LSM2: variants seen among roughly 807,000 people sequenced by gnomAD.
LSM2 encodes the protein LSM2 homolog, U6 small nuclear RNA and mRNA degradation associated.
In LSM2, 12 loss-of-function variants were observed where a neutral mutation model predicts 17.0. That is an observed-to-expected ratio of 0.70 (90% CI 0.45 to 1.14). LSM2 has a LOEUF of 1.14. LSM2 is among the 50% of genes most tolerant of loss of function. The pLI is 0.00. For synonymous variants in LSM2, 42 were observed against 44.5 expected (o/e 0.94, Z 0.22); for missense variants, 62 against 111.8 (o/e 0.55, Z 2.01).
intron 2 of LSM2, among the ~76,000 whole-genome samples, chr6:31,801,762 C>T (rs919858691): frequency 6.6e-6 from 1 of 152,100 alleles, no homozygotes; most frequent in Non-Finnish European, 1.5e-5. Context: ...CGCCACCGCA[C>T]TCCAGCCAGG....
chr6:31,802,325 A>G (rs1814761685), intron 2 of LSM2, among the ~76,000 whole-genome samples: 1 of 152,026 alleles, frequency 6.6e-6, no homozygotes, highest in African/African-American at 2.4e-5. Context: ...GGCTGGGCGC[A>G]GTGGCTCACA....
chr6:31,798,597 G>T, intron 2 of LSM2, 90 bp from the exon 3 acceptor site: 1 of 1,457,842 alleles, frequency 6.9e-7, no homozygotes, highest in Non-Finnish European at 9.5e-7. Context: ...GAACATGACT[G>T]GGAGAAGTCA....
intron 2 of LSM2, among the ~76,000 whole-genome samples, chr6:31,804,770 T>C (rs1285764678): frequency 2.6e-4 from 32 of 124,590 alleles, no homozygotes; most frequent in Non-Finnish European, 3.2e-4. Flanking sequence ...TTTCTTTTTT[T>C]TTTTTTTTTT....
chr6:31,799,598 T>C (rs1581674815), intron 2 of LSM2, among the ~76,000 whole-genome samples: 1 of 151,438 alleles, frequency 6.6e-6, no homozygotes, highest in East Asian at 1.9e-4. Context: ...CCTCATGATC[T>C]GCCCACCTCA....
chr6:31,806,633 G>A (rs1350180561), intron 1 of LSM2, 122 bp downstream of exon 1: 2 of 1,256,336 alleles, frequency 1.6e-6, no homozygotes, highest in South Asian at 1.3e-5. Context: ...AAACAGTACA[G>A]TACTAAAGAT....
chr6:31,801,218 A>G (rs1356740650), intron 2 of LSM2, among the ~76,000 whole-genome samples: 1 of 151,704 alleles, frequency 6.6e-6, no homozygotes, highest in Non-Finnish European at 1.5e-5. Context: ...GCTCTAGGAA[A>G]TTAATTTAAA....
chr6:31,803,470 T>G (rs1367613493), intron 2 of LSM2, among the ~76,000 whole-genome samples: 2 of 151,810 alleles, frequency 1.3e-5, no homozygotes, highest in African/African-American at 4.8e-5. Context: ...GACAACAGAG[T>G]GAGACCCCCA....
At chr6:31,800,180 C>CA (rs1814612903) in intron 2 of LSM2, among the ~76,000 whole-genome samples, 1 of 151,634 alleles carries the variant, frequency 6.6e-6, no homozygotes, top group Non-Finnish European at 1.5e-5. Flanking sequence ...ACTAAAAATA[C>CA]AAAAAATTAG....
rs371580625 is a variant in LSM2, at chr6:31,797,973, C to T, written c.162+17G>A. On this transcript the variant is annotated intron_variant, in intron 4 of 4. Coordinates refer to ENST00000375661, the MANE Select transcript of LSM2 (RefSeq NM_021177.5). ...TGCTTTAGAGGTGTTTCCTCTTCTC[C>T]ACAGACCCCAACTCACCATGTGAGG... The T allele has an allele frequency of 1.7e-5, 27 of 1,608,760 alleles. No individual in the cohort carries two copies. The African/African-American group carries it at 3.6e-4, about 21-fold the overall frequency.
At chr6:31,797,914 CT>C in intron 4 of LSM2, 32 bp from the exon 5 acceptor site, 1 of 1,612,868 alleles carries the variant, frequency 6.2e-7, no homozygotes, top group Non-Finnish European at 8.5e-7. Flanking sequence ...TGAAAACACC[CT>C]TAAAAATGTC....
chr6:31,806,427 T>C, intron 1 of LSM2: 1 of 600,488 alleles, frequency 1.7e-6, no homozygotes, highest in Non-Finnish European at 3.0e-6. Flanking sequence ...CTCGGGTACC[T>C]GCCCACTCCT....
intron 1 of LSM2, 147 bp downstream of exon 1, chr6:31,806,608 C>T: frequency 9.1e-7 from 1 of 1,095,442 alleles, no homozygotes; most frequent in Middle Eastern, 2.0e-4. Context: ...TCAGTGCCTC[C>T]TCAATGAACC....
chr6:31,798,353 T>G, intron 3 of LSM2, 124 bp downstream of exon 3: 2 of 1,170,352 alleles, frequency 1.7e-6, no homozygotes, highest in Non-Finnish European at 2.5e-6. Context: ...ATTACAGGCG[T>G]GAGCCACCGT....
At chr6:31,806,623 A>G (rs557123129) in intron 1 of LSM2, 132 bp downstream of exon 1, 1 of 1,223,232 alleles carries the variant, frequency 8.2e-7, no homozygotes, top group East Asian at 2.5e-5. Flanking sequence ...TGAACCTGAG[A>G]AACAGTACAG....
At chr6:31,804,168 C>T (rs1251003588) in intron 2 of LSM2, among the ~76,000 whole-genome samples, 2 of 151,980 alleles carry the variant, frequency 1.3e-5, no homozygotes, top group Non-Finnish European at 2.9e-5. Flanking sequence ...CAAGACCAGC[C>T]TGGCCTAGAT....
chr6:31,800,885 CA>C (rs35058284), intron 2 of LSM2, among the ~76,000 whole-genome samples: 176 of 124,304 alleles, frequency 1.4e-3, no homozygotes, highest in Non-Finnish European at 1.2e-3. Context: ...GACTCCGTCT[CA>C]AAAAAAAAAA....
Position 31,797,976 on chromosome 6 carries a change from A to T in LSM2, c.162+14T>A. On this transcript the variant is annotated intron_variant, in intron 4 of 4. Transcript: ENST00000375661. ...TTTAGAGGTGTTTCCTCTTCTCCAC[A>T]GACCCCAACTCACCATGTGAGGGTA... is the stretch of plus-strand genomic sequence containing the variant. 2 of 1,607,340 alleles carry T rather than the reference A, an allele frequency of 1.2e-6. No individual in the cohort carries two copies. The highest frequency in any genetic ancestry group is 1.7e-4 in the Middle Eastern group (1 of 6,040).
intron 2 of LSM2, among the ~76,000 whole-genome samples, chr6:31,799,448 C>T (rs1814571394): frequency 6.6e-6 from 1 of 152,116 alleles, no homozygotes; most frequent in South Asian, 2.1e-4. Flanking sequence ...GCTCCATCTC[C>T]CAGGTTCACG....
chr6:31,798,719 T>A (rs1200629567), intron 2 of LSM2, among the ~76,000 whole-genome samples: 3 of 145,016 alleles, frequency 2.1e-5, no homozygotes, highest in African/African-American at 2.5e-5. Flanking sequence ...CTCCTCTCCC[T>A]AAACCAATCC....
Sources: allele counts gnomAD v4.1 joint callset (sites outside exome capture counted in the v4.1 genomes callset), GRCh38; gene constraint gnomAD v4.1.1; transcripts MANE v1.5; gene names NCBI Gene and HGNC (gene_info 2026-07-23, HGNC 2026-07-21).